PTPRN2: variants seen among roughly 807,000 people sequenced by gnomAD.
PTPRN2 encodes the protein protein tyrosine phosphatase receptor type N2.
Under a neutral mutation model 118.8 loss-of-function variants are expected in PTPRN2, and 74 were observed. That is an observed-to-expected ratio of 0.62 (90% CI 0.52 to 0.76). The LOEUF (loss-of-function observed/expected upper bound fraction) is 0.76, where lower values mean the gene tolerates loss of function less well. PTPRN2 is among the 30% of genes least tolerant of loss of function. The pLI, the probability that PTPRN2 is intolerant of heterozygous loss-of-function variation, is 0.00. For synonymous variants in PTPRN2, 641 were observed against 608.0 expected, an observed-to-expected ratio of 1.05 and a Z score of -0.80; for missense variants, 1,481 against 1,394.4, an observed-to-expected ratio of 1.06 and a Z score of -0.99.
In PTPRN2 at chr7:158,437,028, C is replaced by T. The variant is rs76582877; in HGVS notation, c.163+52707G>A. ...GTTTGAAAAAAATCATAGCTCTCATCGCCTCAAACATTGCTTCTAAGCTGT... is the reference window on the plus strand; with the variant it reads ...GTTTGAAAAAAATCATAGCTCTCATTGCCTCAAACATTGCTTCTAAGCTGT... On this transcript the variant is annotated intron_variant, in intron 2 of 22. Transcript: ENST00000389418. Among the ~76,000 whole-genome samples, 291 of 152,310 alleles carry T rather than the reference C, an allele frequency of 1.9e-3. 9 individuals carry two copies. In the East Asian group the frequency reaches 0.036, roughly 19 times the overall value.
Position 158,419,814 on chromosome 7 carries a change from C to T in PTPRN2, c.163+69921G>A, listed in dbSNP as rs145808317. ...GACCGGACTTGGAAGCTCAGCACTT[C>T]GTTATTTTATTATCTCCAAATCCAA... On this transcript the variant is annotated intron_variant, in intron 2 of 22. Transcript: ENST00000389418. Among the ~76,000 whole-genome samples, 737 of 152,176 alleles carry T rather than the reference C, an allele frequency of 4.8e-3. 8 individuals are homozygous for T. Among genetic ancestry groups the T allele is most frequent in the African/African-American group, 0.016 (680 of 41,496 alleles).
chr7:158,085,272 A>G (rs1295259527), intron 10 of PTPRN2, among the ~76,000 whole-genome samples: 1 of 103,002 alleles, frequency 9.7e-6, no homozygotes, highest in South Asian at 3.6e-4. Flanking sequence ...ACCCATCCAC[A>G]CAGATACCCA....
chr7:158,129,195 ACAC>A, intron 9 of PTPRN2, among the ~76,000 whole-genome samples: 1 of 149,262 alleles, frequency 6.7e-6, no homozygotes, highest in Non-Finnish European at 1.5e-5. Flanking sequence ...CACACACTAC[ACAC>A]CACAAACAGA....
chr7:157,592,289 T>C (rs1163434086), intron 17 of PTPRN2, among the ~76,000 whole-genome samples: 1 of 152,232 alleles, frequency 6.6e-6, no homozygotes, highest in Admixed American at 6.5e-5. Context: ...GGTTCACGCC[T>C]TCTATTCACT....
chr7:157,595,558 T>TGGTGTTTAGGAAGCCC (rs1801267854), intron 16 of PTPRN2, among the ~76,000 whole-genome samples: 1 of 93,892 alleles, frequency 1.1e-5, no homozygotes, highest in African/African-American at 6.2e-5. Flanking sequence ...TTAGGAAGCC[T>TGGTGTTTAGGAAGCCC]GGAGGTTAGG....
At chr7:158,171,241 A>G (rs1188340177) in intron 5 of PTPRN2, among the ~76,000 whole-genome samples, 1 of 140,760 alleles carries the variant, frequency 7.1e-6, no homozygotes, top group Non-Finnish European at 1.5e-5. Context: ...ATATATATAC[A>G]CATATATACA....
chr7:157,927,348 C>T (rs1799072430), intron 11 of PTPRN2, among the ~76,000 whole-genome samples: 1 of 98,078 alleles, frequency 1.0e-5, no homozygotes, highest in Admixed American at 1.1e-4. Flanking sequence ...AGGGACCCGT[C>T]TGAGAGCAGA....
At chr7:158,562,213 G>T (rs1305519382) in intron 1 of PTPRN2, among the ~76,000 whole-genome samples, 1 of 152,182 alleles carries the variant, frequency 6.6e-6, no homozygotes, top group Non-Finnish European at 1.5e-5. Flanking sequence ...CCAAGGTCCT[G>T]CTTCCTGGAT....
At chr7:158,068,127 C>T (rs2128912781) in intron 11 of PTPRN2, among the ~76,000 whole-genome samples, 1 of 152,244 alleles carries the variant, frequency 6.6e-6, no homozygotes, top group Non-Finnish European at 1.5e-5. Context: ...CTGTGCAGTC[C>T]CAGGGGAAGA....
intron 3 of PTPRN2, among the ~76,000 whole-genome samples, chr7:158,224,420 C>T (rs1828600271): frequency 6.6e-6 from 1 of 151,962 alleles, no homozygotes; most frequent in African/African-American, 2.4e-5. Context: ...GAATAGAAAA[C>T]CCAGAAATAG....
At chr7:157,730,887 T>TTC (rs1233826910) in intron 12 of PTPRN2, among the ~76,000 whole-genome samples, 1 of 152,058 alleles carries the variant, frequency 6.6e-6, no homozygotes, top group African/African-American at 2.4e-5. Context: ...CTTCCGCTTG[T>TTC]TCTCTCTCTC....
At chr7:158,496,506 A>C (rs561486116) in intron 1 of PTPRN2, among the ~76,000 whole-genome samples, 7 of 4,034 alleles carry the variant, frequency 1.7e-3, no homozygotes, top group African/African-American at 1.8e-3. Flanking sequence ...CCTGCGCCCC[A>C]CCTTCCCTGC....
At chr7:157,991,759 C>A (rs545058051) in intron 11 of PTPRN2, among the ~76,000 whole-genome samples, 23 of 151,528 alleles carry the variant, frequency 1.5e-4, no homozygotes, top group Non-Finnish European at 3.0e-4. Flanking sequence ...CAGGACAAGG[C>A]CAAGGGCACC....
intron 11 of PTPRN2, among the ~76,000 whole-genome samples, chr7:158,069,757 C>A (rs76887077): frequency 6.6e-6 from 1 of 152,236 alleles, no homozygotes; most frequent in African/African-American, 2.4e-5. Context: ...TCCAGGCATT[C>A]GTGGGATGCC....
chr7:157,605,119 C>T (rs906906885), intron 15 of PTPRN2, among the ~76,000 whole-genome samples: 1 of 152,272 alleles, frequency 6.6e-6, no homozygotes, highest in African/African-American at 2.4e-5. Flanking sequence ...TTGGCTCACA[C>T]TACCAGCCTG....
intron 11 of PTPRN2, among the ~76,000 whole-genome samples, chr7:157,999,874 T>A (rs1379815505): frequency 1.4e-5 from 2 of 146,358 alleles, no homozygotes; most frequent in African/African-American, 2.5e-5. Flanking sequence ...TTATTTTTAC[T>A]TTTTTTTTTT....
In PTPRN2 at chr7:157,929,040, T is replaced by C. The variant is rs1037398331; in HGVS notation, c.1724-30303A>G. On this transcript the variant is annotated intron_variant, in intron 11 of 22. Transcript: ENST00000389418. This position sits in a 1 kb window ranked among gnomAD's most constrained non-coding sequence, Gnocchi z 4.4. ...ATGGTTTAACCTCACATGCCCACTT[T>C]AGAGGCAGGAGAGTGGGGTCCCGGG... Among the ~76,000 whole-genome samples, 1 of 152,146 alleles carries C rather than the reference T, an allele frequency of 6.6e-6. No homozygotes were observed. The highest frequency in any genetic ancestry group is 2.4e-5 in the African/African-American group (1 of 41,424).
At chr7:158,363,002 C>T (rs1809121380) in intron 2 of PTPRN2, among the ~76,000 whole-genome samples, 1 of 152,160 alleles carries the variant, frequency 6.6e-6, no homozygotes, top group South Asian at 2.1e-4. Context: ...TGGCCCTGGT[C>T]CCCATGATCC....
At chr7:158,293,763 A>AT (rs1482497981) in intron 3 of PTPRN2, among the ~76,000 whole-genome samples, 4 of 151,384 alleles carry the variant, frequency 2.6e-5, no homozygotes, top group Non-Finnish European at 5.9e-5. Flanking sequence ...TGTTAAAAAA[A>AT]AAAAAACTAA....
Sources: gnomAD v4.1 joint callset for allele counts (sites outside exome capture counted in the v4.1 genomes callset) on GRCh38, gnomAD v4.1.1 for gene constraint, Gnocchi (gnomAD v3.1) non-coding constraint, MANE v1.5 for transcripts, NCBI Gene and HGNC (gene_info 2026-07-23, HGNC 2026-07-21) for gene names.